MMP16: variants seen among roughly 807,000 people sequenced by gnomAD.
MMP16 encodes the protein matrix metalloproteinase-16.
MMP16 carries 12 observed loss-of-function variants against 67.8 expected under a neutral mutation model. The observed-to-expected ratio is 0.18, with a 90% CI of 0.11 to 0.29. MMP16 has a LOEUF of 0.29. Among genes scored for constraint, MMP16 ranks in the 10% least tolerant of loss-of-function variants. The probability of loss-of-function intolerance (pLI) is 1.00; values close to 1 mark genes in which losing one functional copy is unlikely to be tolerated. For synonymous variants in MMP16, 249 were observed against 255.9 expected, an observed-to-expected ratio of 0.97 and a Z score of 0.26; for missense variants, 475 against 765.7, an observed-to-expected ratio of 0.62 and a Z score of 4.48.
At chr8:88,074,282 A>C (rs887290708) in intron 7 of MMP16, among the ~76,000 whole-genome samples, 25 of 152,020 alleles carry the variant, frequency 1.6e-4, no homozygotes, top group Non-Finnish European at 1.9e-4. Context: ...CCAGCAAGCA[A>C]CTCCAAATAC....
chr8:88,218,906 AT>A (rs1375489725), intron 1 of MMP16, among the ~76,000 whole-genome samples: 2 of 152,080 alleles, frequency 1.3e-5, no homozygotes, highest in Non-Finnish European at 2.9e-5. Context: ...AAGTTTAAAA[AT>A]AGGTAGCCCA....
At chr8:88,142,445 G>A (rs1192886579) in intron 4 of MMP16, among the ~76,000 whole-genome samples, 1 of 151,858 alleles carries the variant, frequency 6.6e-6, no homozygotes, top group Non-Finnish European at 1.5e-5. Flanking sequence ...GCTTTATCTA[G>A]TAATTAATAT....
At chr8:88,062,834 G>A (rs567766517) in intron 7 of MMP16, among the ~76,000 whole-genome samples, 45 of 152,050 alleles carry the variant, frequency 3.0e-4, no homozygotes, top group East Asian at 1.9e-4. Context: ...AAGAAAAAAC[G>A]TAAATGACTT....
intron 6 of MMP16, among the ~76,000 whole-genome samples, chr8:88,077,022 A>G (rs1009146594): frequency 6.6e-6 from 1 of 152,182 alleles, no homozygotes; most frequent in Non-Finnish European, 1.5e-5. Context: ...AGATAGGAAT[A>G]CAACCCCAAC....
Position 88,287,015 on chromosome 8 carries a change from C to A in MMP16, c.132+40060G>T, listed in dbSNP as rs143736457. ...TAGCCATCTACATCTGGTTTATCTA[C>A]AACCACTCTGGTTTCAATTCAATAC... is the stretch of plus-strand genomic sequence containing the variant. On this transcript the variant is annotated intron_variant, in intron 1 of 9. Transcript: ENST00000286614. Among the ~76,000 whole-genome samples the A allele has an allele frequency of 6.3e-3, 954 of 152,322 alleles. 6 individuals are homozygous for A. The highest frequency in any genetic ancestry group is 0.022 in the African/African-American group (906 of 41,574).
At chr8:88,046,562 T>A (rs1213520911) in intron 9 of MMP16, 107 bp downstream of exon 9, 2 of 556,958 alleles carry the variant, frequency 3.6e-6, no homozygotes, top group Non-Finnish European at 6.2e-6. Flanking sequence ...CAGTATTACA[T>A]AGCTCTAGTA....
rs548688082 is a variant in MMP16, at chr8:88,033,222, T to G, written c.*8239A>C. 1.3e-5 allele frequency: 2 copies of G among 151,586 alleles called. No homozygotes were observed. Among genetic ancestry groups the G allele is most frequent in the Non-Finnish European group, 2.9e-5 (2 of 67,850 alleles). The allele number at this position is 151,586 out of a possible 1,614,324, so 9.4% of individuals were successfully genotyped here. ...ACTCTGAATGATAAATGTCTGTGCA[T>G]TTTTTAAATATATGGTATTTATTTG... On this transcript the variant is annotated 3_prime_UTR_variant, in exon 10 of 10. Coordinates refer to ENST00000286614, the MANE Select transcript of MMP16 (RefSeq NM_005941.5).
At chr8:88,090,456 T>C (rs1042384568) in intron 6 of MMP16, among the ~76,000 whole-genome samples, 3 of 151,964 alleles carry the variant, frequency 2.0e-5, no homozygotes, top group African/African-American at 7.2e-5. Flanking sequence ...TAATGTTAGA[T>C]ATTTATGGCT....
chr8:88,157,892 A>C (rs947042346), intron 4 of MMP16, among the ~76,000 whole-genome samples: 1 of 150,824 alleles, frequency 6.6e-6, no homozygotes, highest in African/African-American at 2.4e-5. Context: ...TCATTGTTCA[A>C]TTCCCACCTA....
At chr8:88,313,432 T>A (rs1308283016) in intron 1 of MMP16, among the ~76,000 whole-genome samples, 2 of 152,202 alleles carry the variant, frequency 1.3e-5, no homozygotes, top group African/African-American at 4.8e-5. Flanking sequence ...CAATCTGCAA[T>A]TATTTGCTCC....
chr8:88,090,902 G>A (rs1176028251), intron 6 of MMP16, among the ~76,000 whole-genome samples: 1 of 151,756 alleles, frequency 6.6e-6, no homozygotes, highest in East Asian at 1.9e-4. Context: ...ATATATTTGA[G>A]TTCAATTTGC....
At chr8:88,130,040 G>A (rs568538987) in intron 4 of MMP16, among the ~76,000 whole-genome samples, 277 of 151,794 alleles carry the variant, frequency 1.8e-3, no homozygotes, top group South Asian at 0.011. Flanking sequence ...AAAGACAAAT[G>A]TGTTTGCCTT....
intron 4 of MMP16, among the ~76,000 whole-genome samples, chr8:88,157,058 G>A (rs1808521166): frequency 6.6e-6 from 1 of 152,078 alleles, no homozygotes; most frequent in Admixed American, 6.6e-5. Flanking sequence ...GTGATTAGAT[G>A]TGATCATAGT....
chr8:88,270,943 A>G (rs1295682167), intron 1 of MMP16, among the ~76,000 whole-genome samples: 3 of 152,222 alleles, frequency 2.0e-5, no homozygotes, highest in Non-Finnish European at 4.4e-5. Context: ...TATCTTGAGT[A>G]TATCATGAGT....
chr8:88,280,466 T>C (rs935046289), intron 1 of MMP16, among the ~76,000 whole-genome samples: 1 of 152,226 alleles, frequency 6.6e-6, no homozygotes, highest in Non-Finnish European at 1.5e-5. Context: ...ACCATCTCCA[T>C]GTTTTTGAAA....
intron 4 of MMP16, among the ~76,000 whole-genome samples, chr8:88,154,910 A>G (rs1482866362): frequency 2.6e-5 from 4 of 151,854 alleles, no homozygotes; most frequent in Non-Finnish European, 2.9e-5. Context: ...TGTATTATAT[A>G]TCTATTCTAG....
At chr8:88,113,705 T>C (rs1381865023) in intron 6 of MMP16, among the ~76,000 whole-genome samples, 6 of 152,038 alleles carry the variant, frequency 3.9e-5, no homozygotes, top group Non-Finnish European at 4.4e-5. Context: ...CTGTCCTATG[T>C]AAGTGTTCTC....
chr8:88,076,320 C>A (rs1228566393), intron 6 of MMP16, among the ~76,000 whole-genome samples: 1 of 152,044 alleles, frequency 6.6e-6, no homozygotes, highest in Non-Finnish European at 1.5e-5. Flanking sequence ...CAGACTAGTA[C>A]CAACATTTTT....
chr8:88,321,726 A>C (rs989262235), intron 1 of MMP16, among the ~76,000 whole-genome samples: 1 of 152,180 alleles, frequency 6.6e-6, no homozygotes, highest in Non-Finnish European at 1.5e-5. Flanking sequence ...TTGGCTACAT[A>C]AACTAAAGCT....
Sources: gnomAD v4.1 joint callset for allele counts (sites outside exome capture counted in the v4.1 genomes callset) on GRCh38, gnomAD v4.1.1 for gene constraint, MANE v1.5 for transcripts, NCBI Gene and HGNC (gene_info 2026-07-23, HGNC 2026-07-21) for gene names.